Variants in SMAD9 observed in about 807,000 individuals in gnomAD.
SMAD9 encodes the protein MAD homolog 9.
A neutral mutation model predicts 46.1 loss-of-function variants in SMAD9; 36 were observed. The observed-to-expected ratio is 0.78, with a 90% CI of 0.60 to 1.03. The LOEUF (loss-of-function observed/expected upper bound fraction) is 1.03. SMAD9 is among the 50% of genes least tolerant of loss of function. SMAD9 has a pLI of 0.00. For missense variants in SMAD9, 572 were observed against 599.8 expected, an observed-to-expected ratio of 0.95 and a Z score of 0.48; for synonymous variants, 245 against 237.1, an observed-to-expected ratio of 1.03 and a Z score of -0.31.
chr13:36,859,957 T>C lies in SMAD9; in HGVS notation c.1003+5580A>G, dbSNP rs565017354. Among the ~76,000 whole-genome samples the C allele has an allele frequency of 2.8e-3, 410 of 148,788 alleles. 2 individuals are homozygous for C. Among genetic ancestry groups the C allele is most frequent in the Non-Finnish European group, 4.0e-3 (272 of 67,340 alleles). ...CCTGGGCAACAAGAGCGAAACTCCATCTCAAAAAAAAAAAGAAAAAAGAAA... is the reference window on the plus strand; with the variant it reads ...CCTGGGCAACAAGAGCGAAACTCCACCTCAAAAAAAAAAAGAAAAAAGAAA... On this transcript the variant is annotated intron_variant, in intron 5 of 6. Transcript: ENST00000379826.
intron 1 of SMAD9, among the ~76,000 whole-genome samples, chr13:36,915,477 A>AG (rs931003762): frequency 5.3e-5 from 8 of 152,182 alleles, no homozygotes; most frequent in Non-Finnish European, 1.2e-4. Flanking sequence ...AATTTCCCCA[A>AG]GGGGAAATTC....
rs58671007 is a variant in SMAD9, at chr13:36,917,399, AT to A, written c.-187+2716del. On this transcript the variant is annotated intron_variant, in intron 1 of 6. Coordinates refer to ENST00000379826, the MANE Select transcript of SMAD9 (RefSeq NM_001127217.3). The stretch of plus-strand genomic sequence containing the variant: ...AAGTACTTATGCATTTACTGTTTGC[AT>A]TTTTTTTTTTTGCTTTAGAATAACT... 1.4e-3 allele frequency among the ~76,000 whole-genome samples: 205 copies of A among 147,928 alleles called. 1 individual carries two copies. The highest frequency in any genetic ancestry group is 3.5e-3 in the Middle Eastern group (1 of 286).
chr13:36,909,112 T>G (rs1403616297), intron 1 of SMAD9, among the ~76,000 whole-genome samples: 1 of 152,252 alleles, frequency 6.6e-6, no homozygotes, highest in Non-Finnish European at 1.5e-5. Flanking sequence ...TTTTAAAGTT[T>G]CAACGGAGAT....
At chr13:36,853,757 T>G in intron 5 of SMAD9, 82 bp from the exon 6 acceptor site, 1 of 1,413,048 alleles carries the variant, frequency 7.1e-7, no homozygotes, top group Non-Finnish European at 9.9e-7. Context: ...CCCTAGGAGA[T>G]GTGACTCTCC....
chr13:36,874,854 C>CCA (rs2058330854), intron 2 of SMAD9, among the ~76,000 whole-genome samples: 1 of 66,066 alleles, frequency 1.5e-5, no homozygotes, highest in African/African-American at 6.1e-5. Context: ...GACTCCGTCC[C>CCA]AAAAAAAAAA....
At chr13:36,901,043 CAT>C (rs554589645) in intron 1 of SMAD9, among the ~76,000 whole-genome samples, 14 of 152,276 alleles carry the variant, frequency 9.2e-5, no homozygotes, top group African/African-American at 1.2e-4. Context: ...TGTGATGAAT[CAT>C]ATATGTGTGT....
intron 1 of SMAD9, among the ~76,000 whole-genome samples, chr13:36,916,399 T>C (rs566343666): frequency 6.6e-6 from 1 of 152,202 alleles, no homozygotes; most frequent in Non-Finnish European, 1.5e-5. Context: ...TCAGCCACAA[T>C]GTTCAGGAGA....
At chr13:36,877,584 C>T (rs2058357387) in intron 2 of SMAD9, among the ~76,000 whole-genome samples, 1 of 151,940 alleles carries the variant, frequency 6.6e-6, no homozygotes, top group African/African-American at 2.4e-5. Flanking sequence ...AAAATGGAAT[C>T]CAGTCATTTT....
chr13:36,871,812 A>G (rs1210541905), intron 3 of SMAD9, among the ~76,000 whole-genome samples: 1 of 152,192 alleles, frequency 6.6e-6, no homozygotes, highest in Non-Finnish European at 1.5e-5. Flanking sequence ...TTAACCTTTT[A>G]ATTCCCCTTT....
chr13:36,905,191 A>G (rs182484994), intron 1 of SMAD9, among the ~76,000 whole-genome samples: 2 of 152,288 alleles, frequency 1.3e-5, no homozygotes, highest in African/African-American at 4.8e-5. Flanking sequence ...AGTCCTGAGA[A>G]TGATCGGGCT....
At chr13:36,877,901 T>A (rs554798319) in intron 2 of SMAD9, among the ~76,000 whole-genome samples, 1 of 152,302 alleles carries the variant, frequency 6.6e-6, no homozygotes, top group Non-Finnish European at 1.5e-5. Flanking sequence ...TGAACCTGCC[T>A]ACGTAGACAG....
rs1223347615 is a variant in SMAD9, at chr13:36,920,190, G to A, written c.-261C>T. 1.1e-3 allele frequency: 31 copies of A among 27,088 alleles called. No homozygotes were observed. In the South Asian group the frequency reaches 0.019, roughly 16 times the overall value. 1.7% of individuals were successfully genotyped at this position (27,088 alleles called of 1,614,324 possible). On this transcript the variant is annotated 5_prime_UTR_variant, in exon 1 of 7. Transcript: ENST00000379826. Reference sequence around the variant, plus strand: ...GGACCGAGACAGCGGCTGCAGCAGCGGCGGCGGCGGCGGCGGCGGCGGCGG... The same window carrying A: ...GGACCGAGACAGCGGCTGCAGCAGCAGCGGCGGCGGCGGCGGCGGCGGCGG...
Position 36,872,510 on chromosome 13 carries a change from T to C in SMAD9, c.670+148A>G, listed in dbSNP as rs2058304356. On this transcript the variant is annotated intron_variant, in intron 3 of 6. Transcript: ENST00000379826. ...GGTAACTGCTTCAAAATAGGTATAGTCCTAATCATTTTAAGGCTGATTGCT... is the reference window on the plus strand; with the variant it reads ...GGTAACTGCTTCAAAATAGGTATAGCCCTAATCATTTTAAGGCTGATTGCT... The C allele has an allele frequency of 5.7e-5, 53 of 930,988 alleles. 2 individuals carry two copies. The South Asian group carries it at 7.3e-4, about 13-fold the overall frequency. 57.7% of individuals were successfully genotyped at this position (930,988 alleles called of 1,614,324 possible).
At chr13:36,901,289 T>A (rs1407492275) in intron 1 of SMAD9, among the ~76,000 whole-genome samples, 1 of 152,142 alleles carries the variant, frequency 6.6e-6, no homozygotes, top group Non-Finnish European at 1.5e-5. Context: ...CACATTCCCA[T>A]CAGAAACGTA....
intron 4 of SMAD9, 37 bp from the exon 5 acceptor site, chr13:36,865,795 T>G: frequency 2.0e-6 from 3 of 1,522,094 alleles, no homozygotes; most frequent in Non-Finnish European, 2.7e-6. Flanking sequence ...ATGGCTACTG[T>G]CATACCTGGG....
chr13:36,902,802 T>C (rs2058587649), intron 1 of SMAD9, among the ~76,000 whole-genome samples: 1 of 152,090 alleles, frequency 6.6e-6, no homozygotes, highest in Non-Finnish European at 1.5e-5. Flanking sequence ...TTTTAAAAAT[T>C]ATTTATTGTT....
At chr13:36,893,117 T>A (rs971601975) in intron 1 of SMAD9, among the ~76,000 whole-genome samples, 1 of 152,152 alleles carries the variant, frequency 6.6e-6, no homozygotes, top group Non-Finnish European at 1.5e-5. Context: ...TTGAAATTTG[T>A]ATATTATAAG....
chr13:36,915,007 C>T (rs932518548), intron 1 of SMAD9, among the ~76,000 whole-genome samples: 3 of 152,164 alleles, frequency 2.0e-5, no homozygotes, highest in Non-Finnish European at 4.4e-5. Context: ...CTTCTAAGCA[C>T]TTTAACAGAT....
chr13:36,914,983 C>T (rs2058687861), intron 1 of SMAD9, among the ~76,000 whole-genome samples: 1 of 152,180 alleles, frequency 6.6e-6, no homozygotes, highest in Admixed American at 6.6e-5. Flanking sequence ...CAAAGTAAAT[C>T]TGTATTTGAT....
Sources: allele counts gnomAD v4.1 joint callset (sites outside exome capture counted in the v4.1 genomes callset), GRCh38; gene constraint gnomAD v4.1.1; transcripts MANE v1.5; gene names NCBI Gene and HGNC (gene_info 2026-07-23, HGNC 2026-07-21).